FBLN1: variants seen among roughly 807,000 people sequenced by gnomAD.
FBLN1 encodes the protein fibulin-1.
A neutral mutation model predicts 89.7 loss-of-function variants in FBLN1; 34 were observed. The observed-to-expected ratio is 0.38, with a 90% CI of 0.29 to 0.50. The LOEUF (loss-of-function observed/expected upper bound fraction) is 0.50, where lower values mean the gene tolerates loss of function less well. Ranked by LOEUF, FBLN1 falls within the 20% of genes least tolerant of loss-of-function variation. The pLI is 0.92. For synonymous variants in FBLN1, 393 were observed against 391.3 expected, an observed-to-expected ratio of 1.00 and a Z score of -0.05; for missense variants, 777 against 988.1, an observed-to-expected ratio of 0.79 and a Z score of 2.86.
In FBLN1 at chr22:45,550,685, G is replaced by T; in HGVS notation, c.1697+70G>T. 2 of 1,610,548 alleles carry T rather than the reference G, an allele frequency of 1.2e-6. No individual in the cohort carries two copies. Among genetic ancestry groups the T allele is most frequent in the South Asian group, 2.2e-5 (2 of 90,884 alleles). ...TTCCTGGTGACCCAGTTCCCGGGTGGGTGGGTTATCAGGCTGTGACCTCGG... is the reference window on the plus strand; with the variant it reads ...TTCCTGGTGACCCAGTTCCCGGGTGTGTGGGTTATCAGGCTGTGACCTCGG... On this transcript the variant is annotated intron_variant, in intron 14 of 16. Coordinates refer to ENST00000327858, the MANE Select transcript of FBLN1 (RefSeq NM_006486.3). The surrounding 1 kb of genome is among the most constrained non-coding windows in gnomAD (Gnocchi z 8.4).
At position 45,583,901 on chromosome 22, in the gene FBLN1, G is replaced by A. The variant is rs1381191588; in HGVS notation, c.1972+6793G>A. ...TTCCCGTGAGGAATTCTAACTGGGGGGCTTGGAGCAGGCAGGAGTTCCCTG... is the reference window on the plus strand; with the variant it reads ...TTCCCGTGAGGAATTCTAACTGGGGAGCTTGGAGCAGGCAGGAGTTCCCTG... On this transcript the variant is annotated intron_variant, in intron 16 of 16. Transcript: ENST00000327858. This position sits in a 1 kb window ranked among gnomAD's most constrained non-coding sequence, Gnocchi z 4.5. 6.6e-6 allele frequency among the ~76,000 whole-genome samples: 1 copy of A among 152,196 alleles called. No individual in the cohort carries two copies. The highest frequency in any genetic ancestry group is 1.5e-5 in the Non-Finnish European group (1 of 68,032).
chr22:45,548,717 C>G lies in FBLN1; in HGVS notation c.1546C>G (p.Leu516Val). Residue 516 changes from leucine to valine, a missense_variant, in exon 13 of 17, where the codon CTG (leucine) becomes GTG (valine). Coordinates refer to ENST00000327858, the MANE Select transcript of FBLN1 (RefSeq NM_006486.3). Reference sequence around the variant, plus strand: ...CAGCTGCCCCTCGTCTGGCTACAGGCTGGCCCCCAATGGCCGCAACTGCCA... The same window carrying G: ...CAGCTGCCCCTCGTCTGGCTACAGGGTGGCCCCCAATGGCCGCAACTGCCA... ...QCSCPSSGYR[L>V]APNGRNCQDI... is the part of the protein sequence containing the mutation. 1 of 1,613,486 alleles carries G rather than the reference C, an allele frequency of 6.2e-7. No individual in the cohort carries two copies. The highest frequency in any genetic ancestry group is 8.5e-7 in the Non-Finnish European group (1 of 1,180,010).
rs2089033398 is a variant in FBLN1, at chr22:45,580,505, G to A, written c.1972+3397G>A. Among the ~76,000 whole-genome samples, 1 of 152,208 alleles carries A rather than the reference G, an allele frequency of 6.6e-6. No homozygotes were observed. The highest frequency in any genetic ancestry group is 2.1e-4 in the South Asian group (1 of 4,838). On this transcript the variant is annotated intron_variant, in intron 16 of 16. Transcript: ENST00000327858. The surrounding 1 kb of genome is among the most constrained non-coding windows in gnomAD (Gnocchi z 8.6). ...GAGCACCTGTGATGACCAGGAGCCA[G>A]GGTTTCATCATCGCCAGGACCCTGT...
intron 14 of FBLN1, among the ~76,000 whole-genome samples, chr22:45,554,227 GCAGTTCACCTGCACCCGGAAGCA>G (rs1192924095): frequency 3.9e-5 from 6 of 152,006 alleles, no homozygotes; most frequent in Admixed American, 6.6e-5. Flanking sequence ...ACCCGGAAGC[GCAGTTCACCTGCACCCGGAAGCA>G]CAGCTCATGG....
chr22:45,546,023 C>T (rs1311672191), intron 11 of FBLN1, among the ~76,000 whole-genome samples: 3 of 152,048 alleles, frequency 2.0e-5, no homozygotes, highest in Non-Finnish European at 2.9e-5. Context: ...TGGTGCACAC[C>T]TGTAATCCCC....
intron 11 of FBLN1, 82 bp from the exon 12 acceptor site, chr22:45,547,003 T>A (rs1221451692): frequency 1.9e-5 from 31 of 1,604,606 alleles, no homozygotes; most frequent in Non-Finnish European, 2.6e-5. Context: ...GAGAGGAGAT[T>A]TTCTGTTCAC....
chr22:45,594,037 G>A (rs1431585107), intron 16 of FBLN1, among the ~76,000 whole-genome samples: 1 of 152,200 alleles, frequency 6.6e-6, no homozygotes, highest in African/African-American at 2.4e-5. Flanking sequence ...AGACTTCTGT[G>A]AAGACTTCTA....
intron 11 of FBLN1, among the ~76,000 whole-genome samples, chr22:45,546,364 G>C (rs184279894): frequency 3.0e-4 from 45 of 152,186 alleles, no homozygotes; most frequent in South Asian, 8.3e-4. Context: ...CTACAGGTGC[G>C]TGCCACCATG....
intron 2 of FBLN1, among the ~76,000 whole-genome samples, chr22:45,525,078 A>G (rs984704333): frequency 6.6e-6 from 1 of 151,406 alleles, no homozygotes; most frequent in Non-Finnish European, 1.5e-5. Flanking sequence ...TCAAAGAAAG[A>G]AAGAAAGAGA....
chr22:45,597,318 G>A lies in FBLN1; in HGVS notation c.1973-2989G>A, dbSNP rs1038097766. ...ACCCAGCTGAAACAAAGACATATCT[G>A]ACTGTTGCTTGTGGAGGTGCCTGCC... On this transcript the variant is annotated intron_variant, in intron 16 of 16. Coordinates refer to ENST00000327858, the MANE Select transcript of FBLN1 (RefSeq NM_006486.3). The surrounding 1 kb of genome is among the most constrained non-coding windows in gnomAD (Gnocchi z 4.2). Among the ~76,000 whole-genome samples, 1 of 152,154 alleles carries A rather than the reference G, an allele frequency of 6.6e-6. No individual in the cohort carries two copies. The highest frequency in any genetic ancestry group is 1.5e-5 in the Non-Finnish European group (1 of 68,032).
intron 11 of FBLN1, among the ~76,000 whole-genome samples, chr22:45,544,841 G>A (rs992814855): frequency 6.6e-6 from 1 of 152,308 alleles, no homozygotes; most frequent in Non-Finnish European, 1.5e-5. Flanking sequence ...CACATGAACT[G>A]CATGTCAGCC....
At position 45,600,803 on chromosome 22, in the gene FBLN1, C is replaced by T; in HGVS notation, c.*357C>T. ...TGCCAAAAGAAGACCAGTTCTTGCC[C>T]TGATTGTATGAAATTTGACATTTTG... On this transcript the variant is annotated 3_prime_UTR_variant, in exon 17 of 17. Coordinates refer to ENST00000327858, the MANE Select transcript of FBLN1 (RefSeq NM_006486.3). The T allele has an allele frequency of 2.9e-6, 1 of 342,432 alleles. No homozygotes were observed. The highest frequency in any genetic ancestry group is 5.5e-6 in the Non-Finnish European group (1 of 181,818). 21.2% of individuals were successfully genotyped at this position (342,432 alleles called of 1,614,324 possible).
In FBLN1 at chr22:45,576,512, G is replaced by C. The variant is rs1013831932; in HGVS notation, c.1841-465G>C. Among the ~76,000 whole-genome samples, 7 of 152,058 alleles carry C rather than the reference G, an allele frequency of 4.6e-5. No homozygotes were observed. The highest frequency in any genetic ancestry group is 1.7e-4 in the African/African-American group (7 of 41,398). The stretch of plus-strand genomic sequence containing the variant: ...TGCCCTGCTTCACTGTCTGATCTGG[G>C]AGATGGACACACACCCCCCAGAGAA... On this transcript the variant is annotated intron_variant, in intron 15 of 16. Coordinates refer to ENST00000327858, the MANE Select transcript of FBLN1 (RefSeq NM_006486.3). The surrounding 1 kb of genome is among the most constrained non-coding windows in gnomAD (Gnocchi z 5.2).
chr22:45,543,916 T>C (rs926002258), intron 11 of FBLN1, among the ~76,000 whole-genome samples: 1 of 152,180 alleles, frequency 6.6e-6, no homozygotes, highest in African/African-American at 2.4e-5. Flanking sequence ...GACACTTGTT[T>C]TGCACAAAGA....
rs1445279122 is a variant in FBLN1, at chr22:45,541,321, C to G, written c.1015C>G (p.Pro339Ala). ...CTCCTACACGTGCCAGAAGAACGTG[C>G]CCAACTGTGGCCGTGGCTACCATCT... The part of the protein sequence containing the change: ...EGSYTCQKNV[P>A]NCGRGYHLNE... The change falls in exon 9 of 17, where the codon CCC becomes GCC. Residue 339 changes from proline (P) to alanine (A), a missense_variant. Physicochemically the swap from Pro to Ala is conservative, Grantham distance 27. Coordinates refer to ENST00000327858, the MANE Select transcript of FBLN1 (RefSeq NM_006486.3). 6.2e-7 allele frequency: 1 copy of G among 1,614,266 alleles called. No individual in the cohort carries two copies. The highest frequency in any genetic ancestry group is 8.5e-7 in the Non-Finnish European group (1 of 1,180,040).
At chr22:45,587,128 G>T (rs527358529) in intron 16 of FBLN1, among the ~76,000 whole-genome samples, 11 of 152,222 alleles carry the variant, frequency 7.2e-5, no homozygotes, top group African/African-American at 2.4e-4. Flanking sequence ...ATGTACGTGC[G>T]CATCATGGCA....
intron 1 of FBLN1, among the ~76,000 whole-genome samples, chr22:45,510,513 C>T (rs925015968): frequency 1.2e-4 from 19 of 152,110 alleles, no homozygotes; most frequent in Non-Finnish European, 2.5e-4. Context: ...CCCCCAGTCT[C>T]CCCTCTGTGA....
intron 16 of FBLN1, among the ~76,000 whole-genome samples, chr22:45,598,715 T>C (rs1417315566): frequency 1.3e-5 from 2 of 152,204 alleles, no homozygotes; most frequent in African/African-American, 4.8e-5. Flanking sequence ...CTGGGAACTG[T>C]CCCAGCACCT....
rs1018758432 is a variant in FBLN1, at chr22:45,537,807, G to A, written c.922+2470G>A. On this transcript the variant is annotated intron_variant, in intron 8 of 16. Transcript: ENST00000327858. This position sits in a 1 kb window ranked among gnomAD's most constrained non-coding sequence, Gnocchi z 5.7. Reference sequence around the variant, plus strand: ...CGCCAGTCCCTTGCCAGCAGGGAGGGGTGGTTTTCGCTCAGCGCAGGGGGT... The same window carrying A: ...CGCCAGTCCCTTGCCAGCAGGGAGGAGTGGTTTTCGCTCAGCGCAGGGGGT... Among the ~76,000 whole-genome samples the A allele has an allele frequency of 3.3e-5, 5 of 152,288 alleles. No homozygotes were observed. In the South Asian group the frequency reaches 1.0e-3, roughly 32 times the overall value.
Sources: allele counts gnomAD v4.1 joint callset (sites outside exome capture counted in the v4.1 genomes callset), GRCh38; gene constraint gnomAD v4.1.1; non-coding constraint Gnocchi (gnomAD v3.1); transcripts MANE v1.5; gene names NCBI Gene and HGNC (gene_info 2026-07-23, HGNC 2026-07-21).